TLR6: variants seen among roughly 807,000 people sequenced by gnomAD.
TLR6 encodes toll-like receptor 6.
A neutral mutation model predicts 16.1 loss-of-function variants in TLR6; 9 were observed. The ratio of observed to expected loss-of-function variants is 0.56; its 90% CI spans 0.34 to 0.98. TLR6 has a LOEUF of 0.98. Among genes scored for constraint, TLR6 ranks in the 50% least tolerant of loss-of-function variants. TLR6 has a pLI of 0.02. For synonymous variants in TLR6, 340 were observed against 338.6 expected (o/e 1.00, Z -0.04); for missense variants, 786 against 921.0 (o/e 0.85, Z 1.90).
chr4:38,842,487 T>C (rs551659972), intron 1 of TLR6, among the ~76,000 whole-genome samples: 1 of 152,288 alleles, frequency 6.6e-6, no homozygotes, highest in East Asian at 1.9e-4. Context: ...ACAGATCCCA[T>C]GTTTGTGACT....
intron 1 of TLR6, among the ~76,000 whole-genome samples, chr4:38,854,770 T>C (rs1201153329): frequency 6.6e-6 from 1 of 152,126 alleles, no homozygotes; most frequent in Non-Finnish European, 1.5e-5. Context: ...ACAGAAGATA[T>C]GACTATAAGG....
chr4:38,827,969 A>G (rs1727629075), exon 2 of TLR6: 2 of 1,614,222 alleles, frequency 1.2e-6, no homozygotes, highest in Middle Eastern at 1.6e-4. Flanking sequence ...ATTGTGATCA[A>G]TGATCAATAC....
intron 1 of TLR6, among the ~76,000 whole-genome samples, chr4:38,838,417 T>C (rs1712046659): frequency 6.6e-6 from 1 of 152,214 alleles, no homozygotes; most frequent in Admixed American, 6.5e-5. Flanking sequence ...TTCAGCCATT[T>C]AAAATAATTA....
At chr4:38,842,163 G>A (rs1195036618) in intron 1 of TLR6, among the ~76,000 whole-genome samples, 1 of 152,170 alleles carries the variant, frequency 6.6e-6, no homozygotes, top group East Asian at 1.9e-4. Context: ...AGGGGAGGAA[G>A]GTGGTTGGCA....
intron 1 of TLR6, among the ~76,000 whole-genome samples, chr4:38,837,824 C>A (rs73146534): frequency 0.15 from 23,529 of 151,886 alleles, 3,635 homozygotes; most frequent in African/African-American, 0.38. Context: ...GTTAAATGGG[C>A]GAAAATATTT....
chr4:38,841,400 G>A (rs541669461), intron 1 of TLR6, among the ~76,000 whole-genome samples: 1 of 152,168 alleles, frequency 6.6e-6, no homozygotes, highest in Admixed American at 6.5e-5. Flanking sequence ...AGACCAACCC[G>A]GGCAACACAG....
chr4:38,844,239 G>A (rs796726354), intron 1 of TLR6, among the ~76,000 whole-genome samples: 11 of 152,242 alleles, frequency 7.2e-5, no homozygotes, highest in South Asian at 2.1e-4. Context: ...TACTGGTAGC[G>A]GTGTTCATCA....
rs776771911 is a variant in TLR6, at chr4:38,829,088, G to C, written c.386C>G (p.Ser129Ter). The change falls in exon 2 of 2, where the codon TCA (serine) becomes TGA (stop). Residue 129 changes from serine (S) to a stop codon, truncating the protein, a stop_gained. Coordinates refer to ENST00000436693, the Ensembl canonical transcript of TLR6. LOFTEE classifies it low-confidence loss of function (END_TRUNC). ...GGGCAGGGCCTTGAAATCATTGAATGAGAGATCTAAATGCCTGAAACTCAC... is the reference window on the plus strand; with the variant it reads ...GGGCAGGGCCTTGAAATCATTGAATCAGAGATCTAAATGCCTGAAACTCAC... The C allele has an allele frequency of 1.9e-6, 3 of 1,614,148 alleles. No homozygotes were observed. In the Admixed American group the frequency reaches 5.0e-5, roughly 27 times the overall value.
exon 2 of TLR6, chr4:38,829,370 G>A: frequency 6.2e-7 from 1 of 1,614,038 alleles, no homozygotes; most frequent in South Asian, 1.1e-5. Context: ...CTTGTCTACT[G>A]CAAATTCATT....
At chr4:38,861,206 C>G (rs940868139), upstream of TLR6, among the ~76,000 whole-genome samples, 1 of 152,098 alleles carries the variant, frequency 6.6e-6, no homozygotes, top group African/African-American at 2.4e-5. Flanking sequence ...GCAGTACTCA[C>G]TATTTCAATC....
chr4:38,827,464 CTG>C lies in TLR6; in HGVS notation c.2008_2009del (p.Gln670AspfsTer5). The C allele has an allele frequency of 1.2e-6, 2 of 1,614,192 alleles. No homozygotes were observed. The highest frequency in any genetic ancestry group is 1.3e-5 in the African/African-American group (1 of 75,042). ...CAAAGTTTCTCTCATGAAGACAAAT[CTG>C]TATATCTTCTTTTTCTAGGTAAGGT... On this transcript the variant is annotated frameshift_variant, in exon 2 of 2. Coordinates refer to ENST00000436693, the Ensembl canonical transcript of TLR6. LOFTEE classifies it high-confidence loss of function.
chr4:38,829,816 C>A, intron 1 of TLR6, among the ~76,000 whole-genome samples: 1 of 152,198 alleles, frequency 6.6e-6, no homozygotes, highest in Non-Finnish European at 1.5e-5. Context: ...GTTTTGTACA[C>A]CTTAGAACTT....
At chr4:38,853,218 T>G (rs55874619) in intron 1 of TLR6, among the ~76,000 whole-genome samples, 1 of 128,498 alleles carries the variant, frequency 7.8e-6, no homozygotes, top group African/African-American at 2.9e-5. Context: ...CATAACACAC[T>G]GGGGCCTGTC....
At chr4:38,864,325 G>A in the TLR6 span, among the ~76,000 whole-genome samples, 4 of 152,204 alleles carry the variant, frequency 2.6e-5, no homozygotes, top group African/African-American at 9.7e-5. Context: ...TTGGTACACA[G>A]TGCATGCTTT....
intron 1 of TLR6, among the ~76,000 whole-genome samples, chr4:38,844,383 T>C (rs1475379500): frequency 6.6e-6 from 1 of 152,198 alleles, no homozygotes; most frequent in Admixed American, 6.5e-5. Flanking sequence ...AATGAAGATG[T>C]AACAGATAAG....
chr4:38,858,057 T>C (rs28435293), upstream of TLR6, among the ~76,000 whole-genome samples: 4,432 of 152,290 alleles, frequency 0.029, 214 homozygotes, highest in African/African-American at 0.1. Flanking sequence ...ACAACACCAA[T>C]GTTCAGAAAC....
chr4:38,829,245 C>CA lies in TLR6; in HGVS notation c.228_229insT (p.Glu77Ter), dbSNP rs776294736. The CA allele has an allele frequency of 6.2e-6, 10 of 1,614,062 alleles. No individual in the cohort carries two copies. The East Asian group carries it at 2.2e-4, about 36-fold the overall frequency. ...TGGGAAAGTCTCAAAACTGTCAACT[C>CA]TGATAGAAAGCTCATGTCAGAGACC... On this transcript the variant is annotated frameshift_variant, in exon 2 of 2. Transcript: ENST00000436693. LOFTEE classifies it low-confidence loss of function (END_TRUNC).
intron 1 of TLR6, among the ~76,000 whole-genome samples, chr4:38,839,880 G>T (rs767099138): frequency 6.6e-6 from 1 of 152,236 alleles, no homozygotes; most frequent in Non-Finnish European, 1.5e-5. Context: ...AGAAACCTCC[G>T]ATGGGCACTC....
intron 1 of TLR6, among the ~76,000 whole-genome samples, chr4:38,846,251 C>T (rs771839676): frequency 6.6e-6 from 1 of 151,936 alleles, no homozygotes; most frequent in Non-Finnish European, 1.5e-5. Context: ...AAGCAAGTAC[C>T]ATAATAGAAA....
Sources: allele counts gnomAD v4.1 joint callset (sites outside exome capture counted in the v4.1 genomes callset), GRCh38; gene constraint gnomAD v4.1.1; transcripts MANE v1.5; gene names NCBI Gene and HGNC (gene_info 2026-07-23, HGNC 2026-07-21).